Variants in TTC9 observed in about 807,000 individuals in gnomAD.
TTC9 encodes the protein tetratricopeptide repeat protein 9A.
Under a neutral mutation model 22.9 loss-of-function variants are expected in TTC9, and 13 were observed. The ratio of observed to expected loss-of-function variants is 0.57; its 90% CI spans 0.37 to 0.90. The LOEUF is 0.90. TTC9 is among the 40% of genes least tolerant of loss of function. The probability of loss-of-function intolerance (pLI) is 0.01; values close to 1 mark genes in which losing one functional copy is unlikely to be tolerated. For missense variants in TTC9, 280 were observed against 291.8 expected, an observed-to-expected ratio of 0.96 and a Z score of 0.29; for synonymous variants, 148 against 133.2, an observed-to-expected ratio of 1.11 and a Z score of -0.77.
chr14:70,664,383 C>G (rs1340857024), intron 1 of TTC9, among the ~76,000 whole-genome samples: 3 of 151,890 alleles, frequency 2.0e-5, no homozygotes, highest in African/African-American at 7.3e-5. Flanking sequence ...AGCGCTGAGG[C>G]CAGCCTCCAG....
Position 70,642,468 on chromosome 14 carries a change from C to T in TTC9, c.339C>T (p.Gly113=), listed in dbSNP as rs1885833511. ...PASPAGALKP[G]RLSEEQSKTV... is the part of the protein sequence containing the mutation. ...CCCCGGCTGGGGCCCTGAAGCCCGG[C>T]CGCCTCTCGGAGGAGCAGAGCAAGA... Residue 113 remains glycine (G), a synonymous_variant, in exon 1 of 3, where the codon GGC becomes GGT. Coordinates refer to ENST00000256367, the MANE Select transcript of TTC9 (RefSeq NM_015351.2). 1 of 1,551,800 alleles carries T rather than the reference C, an allele frequency of 6.4e-7. No homozygotes were observed. The highest frequency in any genetic ancestry group is 8.7e-7 in the Non-Finnish European group (1 of 1,148,678).
At position 70,642,118 on chromosome 14, in the gene TTC9, G is replaced by C; in HGVS notation, c.-12G>C. 9.0e-7 allele frequency: 1 copy of C among 1,113,748 alleles called. No individual in the cohort carries two copies. Among genetic ancestry groups the C allele is most frequent in the Non-Finnish European group, 1.1e-6 (1 of 912,314 alleles). The allele number at this position is 1,113,748 out of a possible 1,614,324, so 69.0% of individuals were successfully genotyped here. On this transcript the variant is annotated 5_prime_UTR_variant, in exon 1 of 3. Coordinates refer to ENST00000256367, the MANE Select transcript of TTC9 (RefSeq NM_015351.2). ...GATCGCGGCGCGCACCAGGCGCCGGGGCGGCGGCCGAATGGAGAGAAAGGG... is the reference window on the plus strand; with the variant it reads ...GATCGCGGCGCGCACCAGGCGCCGGCGCGGCGGCCGAATGGAGAGAAAGGG...
rs539358934 is a variant in TTC9, at chr14:70,655,616, G to A, written c.407-11948G>A. Among the ~76,000 whole-genome samples, 5 of 152,240 alleles carry A rather than the reference G, an allele frequency of 3.3e-5. No homozygotes were observed. In the South Asian group the frequency reaches 1.0e-3, roughly 32 times the overall value. On this transcript the variant is annotated intron_variant, in intron 1 of 2. Coordinates refer to ENST00000256367, the MANE Select transcript of TTC9 (RefSeq NM_015351.2). ...AGGGGTTGTTCTCACGTGGGCTGGG[G>A]CCACTGCAGGGACCTCCTGTCTTTT...
chr14:70,648,007 TG>T (rs1262578256), intron 1 of TTC9, among the ~76,000 whole-genome samples: 1 of 152,154 alleles, frequency 6.6e-6, no homozygotes, highest in African/African-American at 2.4e-5. Context: ...TAAAGATGGA[TG>T]AGTTACAAAT....
chr14:70,642,138 A>G lies in TTC9; in HGVS notation c.9A>G (p.Arg3=). 1 of 1,151,174 alleles carries G rather than the reference A, an allele frequency of 8.7e-7. No individual in the cohort carries two copies. The highest frequency in any genetic ancestry group is 1.1e-6 in the Non-Finnish European group (1 of 932,506). The allele number at this position is 1,151,174 out of a possible 1,614,324, so 71.3% of individuals were successfully genotyped here. Residue 3 remains arginine, a synonymous_variant, in exon 1 of 3, where the codon AGA becomes AGG. Coordinates refer to ENST00000256367, the MANE Select transcript of TTC9 (RefSeq NM_015351.2). ...GCCGGGGCGGCGGCCGAATGGAGAGAAAGGGCTCGGCGGCCGGGGCCAAGG... is the reference window on the plus strand; with the variant it reads ...GCCGGGGCGGCGGCCGAATGGAGAGGAAGGGCTCGGCGGCCGGGGCCAAGG... ME[R]KGSAAGAKGN... is the part of the protein sequence containing the mutation.
At chr14:70,656,014 T>C (rs532239254) in intron 1 of TTC9, among the ~76,000 whole-genome samples, 4 of 152,154 alleles carry the variant, frequency 2.6e-5, no homozygotes, top group East Asian at 3.9e-4. Context: ...TACAAAGCAG[T>C]CTGGGCATCT....
At chr14:70,655,811 A>T (rs1215417904) in intron 1 of TTC9, among the ~76,000 whole-genome samples, 1 of 152,204 alleles carries the variant, frequency 6.6e-6, no homozygotes, top group Non-Finnish European at 1.5e-5. Flanking sequence ...AGGAGTTTAC[A>T]TCTCAAAAAT....
At chr14:70,652,786 A>C (rs1387283839) in intron 1 of TTC9, among the ~76,000 whole-genome samples, 1 of 152,184 alleles carries the variant, frequency 6.6e-6, no homozygotes, top group Non-Finnish European at 1.5e-5. Flanking sequence ...TCCTTTCTCT[A>C]ATGGATCTGC....
chr14:70,672,865 C>T lies in TTC9; in HGVS notation c.*1710C>T, dbSNP rs1381756467. ...GGATTTGAACCAGGCCTGCCTGACTCCAGAGCTCTGGCTAGTATCTATGCT... is the reference window on the plus strand; with the variant it reads ...GGATTTGAACCAGGCCTGCCTGACTTCAGAGCTCTGGCTAGTATCTATGCT... On this transcript the variant is annotated 3_prime_UTR_variant, in exon 3 of 3. Coordinates refer to ENST00000256367, the MANE Select transcript of TTC9 (RefSeq NM_015351.2). 1.3e-5 allele frequency: 2 copies of T among 152,218 alleles called. No individual in the cohort carries two copies. The highest frequency in any genetic ancestry group is 2.9e-5 in the Non-Finnish European group (2 of 68,040). The allele number at this position is 152,218 out of a possible 1,614,324, so 9.4% of individuals were successfully genotyped here.
In TTC9 at chr14:70,675,340, T is replaced by C. The variant is rs931939638; in HGVS notation, c.*4185T>C. 1 of 152,250 alleles carries C rather than the reference T, an allele frequency of 6.6e-6. No individual in the cohort carries two copies. The highest frequency in any genetic ancestry group is 2.4e-5 in the African/African-American group (1 of 41,472). The allele number at this position is 152,250 out of a possible 1,614,324, so 9.4% of individuals were successfully genotyped here. A position where few individuals can be genotyped will look rare whatever the true frequency, so the allele number is the denominator to read the frequency against. ...ATTTTGTTTATGGTGCTTTTTGACA[T>C]ACATAAATTCTTAATTCTGCAATTA... On this transcript the variant is annotated 3_prime_UTR_variant, in exon 3 of 3. Coordinates refer to ENST00000256367, the MANE Select transcript of TTC9 (RefSeq NM_015351.2).
intron 1 of TTC9, among the ~76,000 whole-genome samples, chr14:70,653,722 G>C (rs1469950279): frequency 9.3e-6 from 1 of 107,054 alleles, no homozygotes; most frequent in African/African-American, 3.4e-5. Flanking sequence ...CCCTGTCTTT[G>C]AAATGAAAAG....
At chr14:70,652,286 C>A (rs1478391400) in intron 1 of TTC9, among the ~76,000 whole-genome samples, 5 of 152,206 alleles carry the variant, frequency 3.3e-5, no homozygotes, top group Non-Finnish European at 7.3e-5. Flanking sequence ...ATGATCCCAA[C>A]TGAGATTTCC....
At chr14:70,656,246 C>CACACACACACACAT (rs373121504) in intron 1 of TTC9, among the ~76,000 whole-genome samples, 4 of 140,056 alleles carry the variant, frequency 2.9e-5, no homozygotes, top group African/African-American at 1.1e-4. Context: ...CACACACACA[C>CACACACACACACAT]ATTTATTTTT....
intron 1 of TTC9, among the ~76,000 whole-genome samples, chr14:70,666,225 G>T (rs1886213669): frequency 6.6e-6 from 1 of 152,178 alleles, no homozygotes; most frequent in South Asian, 2.1e-4. Flanking sequence ...CAGCCCTGTG[G>T]CTCCCTGTGG....
intron 1 of TTC9, among the ~76,000 whole-genome samples, chr14:70,653,019 C>G (rs1886008718): frequency 6.6e-6 from 1 of 152,180 alleles, no homozygotes; most frequent in Non-Finnish European, 1.5e-5. Flanking sequence ...CCTAGCTTCC[C>G]TACTTCTTCC....
At chr14:70,667,848 C>T in intron 2 of TTC9, 102 bp downstream of exon 2, 2 of 1,153,058 alleles carry the variant, frequency 1.7e-6, no homozygotes, top group East Asian at 2.4e-5. Context: ...CAGGCAGGGA[C>T]AGAGATGGCA....
intron 1 of TTC9, among the ~76,000 whole-genome samples, chr14:70,643,530 G>A (rs937989468): frequency 1.3e-5 from 2 of 152,144 alleles, no homozygotes; most frequent in African/African-American, 4.8e-5. Context: ...AACCTTCTCC[G>A]ACCAAACAAA....
intron 1 of TTC9, among the ~76,000 whole-genome samples, chr14:70,659,119 AACACACACACACGC>A (rs1229616900): frequency 3.0e-5 from 4 of 134,616 alleles, no homozygotes; most frequent in Admixed American, 2.2e-4. Flanking sequence ...TATATAACTA[AACACACACACACGC>A]ACACACACAC....
chr14:70,662,171 C>G lies in TTC9; in HGVS notation c.407-5393C>G, dbSNP rs533233038. ...GTTGTCTGAGAGCTCAGGCCCTTTG[C>G]CATGCATCTTCCACCCTGTACCTCT... is the stretch of plus-strand genomic sequence containing the variant. On this transcript the variant is annotated intron_variant, in intron 1 of 2. Coordinates refer to ENST00000256367, the MANE Select transcript of TTC9 (RefSeq NM_015351.2). Among the ~76,000 whole-genome samples, 31 of 152,286 alleles carry G rather than the reference C, an allele frequency of 2.0e-4. No individual in the cohort carries two copies. In the South Asian group the frequency reaches 6.4e-3, roughly 32 times the overall value.
Sources: gnomAD v4.1 joint callset for allele counts (sites outside exome capture counted in the v4.1 genomes callset) on GRCh38, gnomAD v4.1.1 for gene constraint, MANE v1.5 for transcripts, NCBI Gene and HGNC (gene_info 2026-07-23, HGNC 2026-07-21) for gene names.